Variants in PLEKHA5 observed in about 807,000 individuals in gnomAD.
PLEKHA5 encodes the protein pleckstrin homology domain containing A5.
PLEKHA5 carries 55 observed loss-of-function variants against 181.9 expected under a neutral mutation model. The ratio of observed to expected loss-of-function variants is 0.30; its 90% confidence interval spans 0.24 to 0.38. The LOEUF (loss-of-function observed/expected upper bound fraction) is 0.38. Ranked by LOEUF, PLEKHA5 falls within the 10% of genes least tolerant of loss-of-function variation. The pLI is 1.00. For synonymous variants in PLEKHA5, 535 were observed against 529.4 expected, an observed-to-expected ratio of 1.01 and a Z score of -0.15; for missense variants, 1,432 against 1,549.5, an observed-to-expected ratio of 0.92 and a Z score of 1.27.
At chr12:19,340,403 C>T (rs1489992928) in intron 21 of PLEKHA5, among the ~76,000 whole-genome samples, 16 of 134,156 alleles carry the variant, frequency 1.2e-4, no homozygotes, top group Non-Finnish European at 1.3e-4. Context: ...CCGCCCCGTC[C>T]GGGAGGTGAG....
At chr12:19,352,033 G>T (rs1013185580) in intron 25 of PLEKHA5, among the ~76,000 whole-genome samples, 2 of 140,976 alleles carry the variant, frequency 1.4e-5, no homozygotes, top group Admixed American at 1.5e-4. Flanking sequence ...CCGAGATCAC[G>T]CCATTGTACT....
chr12:19,174,173 T>G (rs2046646030), intron 3 of PLEKHA5, among the ~76,000 whole-genome samples: 1 of 152,168 alleles, frequency 6.6e-6, no homozygotes, highest in Non-Finnish European at 1.5e-5. Context: ...ATTGAAAAAT[T>G]AAAACAATGT....
intron 10 of PLEKHA5, among the ~76,000 whole-genome samples, chr12:19,274,207 T>C (rs2073907643): frequency 6.6e-6 from 1 of 152,176 alleles, no homozygotes; most frequent in African/African-American, 2.4e-5. Flanking sequence ...GTGTAGACTT[T>C]GTGGTTTAAC....
At chr12:19,306,209 TTTG>T (rs1240038198) in intron 15 of PLEKHA5, among the ~76,000 whole-genome samples, 1 of 152,180 alleles carries the variant, frequency 6.6e-6, no homozygotes, top group Admixed American at 6.5e-5. Flanking sequence ...AAAAATGTGT[TTTG>T]TTGTGAACAG....
intron 20 of PLEKHA5, among the ~76,000 whole-genome samples, chr12:19,334,206 C>T (rs1291711957): frequency 6.6e-6 from 1 of 152,084 alleles, no homozygotes; most frequent in Non-Finnish European, 1.5e-5. Flanking sequence ...GTCTTGTGTT[C>T]CTACCCACCT....
At chr12:19,296,636 G>A (rs888067279) in intron 15 of PLEKHA5, among the ~76,000 whole-genome samples, 1 of 152,136 alleles carries the variant, frequency 6.6e-6, no homozygotes, top group African/African-American at 2.4e-5. Flanking sequence ...TGGGAGTAGG[G>A]ACTTGAAGTT....
intron 24 of PLEKHA5, among the ~76,000 whole-genome samples, chr12:19,347,596 C>T (rs1482914908): frequency 6.6e-6 from 1 of 151,986 alleles, no homozygotes; most frequent in Non-Finnish European, 1.5e-5. Flanking sequence ...AGGAAAACTA[C>T]TCAAAGATGT....
At chr12:19,165,231 T>C (rs1041957821) in intron 3 of PLEKHA5, among the ~76,000 whole-genome samples, 1 of 152,196 alleles carries the variant, frequency 6.6e-6, no homozygotes, top group Non-Finnish European at 1.5e-5. Flanking sequence ...AAAGAAGTGC[T>C]ACATGATGTT....
intron 15 of PLEKHA5, chr12:19,306,464 C>G: frequency 1.6e-6 from 1 of 634,526 alleles, no homozygotes; most frequent in Non-Finnish European, 3.0e-6. Context: ...ATACCCACCT[C>G]CCACGAACCG....
At chr12:19,140,936 C>T (rs1172405365) in intron 3 of PLEKHA5, among the ~76,000 whole-genome samples, 1 of 152,082 alleles carries the variant, frequency 6.6e-6, no homozygotes, top group Non-Finnish European at 1.5e-5. Context: ...TTACAGGTGG[C>T]CCGCCACTAC....
At chr12:19,182,632 G>C (rs1591966715) in intron 3 of PLEKHA5, among the ~76,000 whole-genome samples, 1 of 152,124 alleles carries the variant, frequency 6.6e-6, no homozygotes, top group African/African-American at 2.4e-5. Flanking sequence ...GCTTTACATT[G>C]AATTAATGTT....
At chr12:19,307,663 G>A (rs2152962184) in intron 15 of PLEKHA5, 1 of 329,044 alleles carries the variant, frequency 3.0e-6, no homozygotes, top group South Asian at 3.4e-5. Flanking sequence ...AGGAGTCGTT[G>A]ATGATTCAAA....
intron 3 of PLEKHA5, among the ~76,000 whole-genome samples, chr12:19,191,533 C>T (rs2051117679): frequency 6.6e-6 from 1 of 152,126 alleles, no homozygotes; most frequent in Non-Finnish European, 1.5e-5. Flanking sequence ...ACTGCTGCTG[C>T]CAAGAACCAA....
At chr12:19,185,328 G>A (rs950870171) in intron 3 of PLEKHA5, among the ~76,000 whole-genome samples, 1 of 152,030 alleles carries the variant, frequency 6.6e-6, no homozygotes, top group African/African-American at 2.4e-5. Context: ...ATTGACCAGG[G>A]TGTGCACATT....
At chr12:19,281,824 C>T (rs2152791201) in intron 11 of PLEKHA5, among the ~76,000 whole-genome samples, 1 of 152,016 alleles carries the variant, frequency 6.6e-6, no homozygotes, top group Admixed American at 6.6e-5. Context: ...CTCTGTCGCC[C>T]AGGCTGGAGT....
At chr12:19,221,366 A>G (rs566017463) in intron 3 of PLEKHA5, among the ~76,000 whole-genome samples, 24 of 152,298 alleles carry the variant, frequency 1.6e-4, no homozygotes, top group African/African-American at 4.3e-4. Context: ...TCTTAAATGC[A>G]TATTGCTAAG....
chr12:19,281,804 T>C (rs191160273), intron 11 of PLEKHA5, among the ~76,000 whole-genome samples: 237 of 150,848 alleles, frequency 1.6e-3, no homozygotes, highest in African/African-American at 5.3e-3. Flanking sequence ...TGTTTTGAGA[T>C]GGAGTCTCAC....
chr12:19,154,614 A>G (rs1364092332), intron 3 of PLEKHA5: 1 of 152,246 alleles, frequency 6.6e-6, no homozygotes, highest in African/African-American at 2.4e-5. Context: ...CTCATCTCTT[A>G]TTAGTGAGAA....
intron 3 of PLEKHA5, among the ~76,000 whole-genome samples, chr12:19,142,189 C>T (rs944879609): frequency 6.7e-6 from 1 of 148,822 alleles, no homozygotes; most frequent in Non-Finnish European, 1.5e-5. Flanking sequence ...GTGTGACCCC[C>T]AATCTCTACA....
Sources: allele counts gnomAD v4.1 joint callset (sites outside exome capture counted in the v4.1 genomes callset), GRCh38; gene constraint gnomAD v4.1.1; transcripts MANE v1.5; gene names NCBI Gene and HGNC (gene_info 2026-07-23, HGNC 2026-07-21).